NUP210L: variants seen among roughly 807,000 people sequenced by gnomAD.
NUP210L encodes nucleoporin 210 like.
A neutral mutation model predicts 208.5 loss-of-function variants in NUP210L; 74 were observed. The ratio of observed to expected loss-of-function variants is 0.35; its 90% CI spans 0.29 to 0.43. NUP210L has a LOEUF of 0.43. NUP210L is among the 20% of genes least tolerant of loss of function. The probability of loss-of-function intolerance (pLI) is 1.00; values close to 1 mark genes in which losing one functional copy is unlikely to be tolerated. For missense variants in NUP210L, 1,843 were observed against 2,289.4 expected (o/e 0.81, Z 3.98); for synonymous variants, 780 against 816.9 (o/e 0.95, Z 0.77).
At chr1:154,049,591 T>G (rs916369570) in intron 25 of NUP210L, among the ~76,000 whole-genome samples, 3 of 152,198 alleles carry the variant, frequency 2.0e-5, no homozygotes, top group African/African-American at 7.2e-5. Context: ...ACTTAGTTAC[T>G]GAACAATTAG....
intron 33 of NUP210L, among the ~76,000 whole-genome samples, chr1:154,018,029 TG>T (rs927346939): frequency 6.6e-6 from 1 of 152,044 alleles, no homozygotes; most frequent in South Asian, 2.1e-4. Flanking sequence ...TGGAGTACAG[TG>T]GCTTGATGTC....
At chr1:154,022,209 A>G in exon 32 of NUP210L, 1 of 1,614,178 alleles carries the variant, frequency 6.2e-7, no homozygotes, top group Non-Finnish European at 8.5e-7. Flanking sequence ...GGCATGCTCT[A>G]CAGCAACAGG....
rs1195269913 is a variant in NUP210L, at chr1:154,022,115, T to C, written c.4516+11A>G. The stretch of plus-strand genomic sequence containing the variant: ...TCAATTGTAAGTTTGAGAAAGGGAA[T>C]GTATACATACCATGCTGGCTGACAA... On this transcript the variant is annotated intron_variant, in intron 32 of 39. Transcript: ENST00000368559. 1 of 1,594,246 alleles carries C rather than the reference T, an allele frequency of 6.3e-7. No homozygotes were observed. Among genetic ancestry groups the C allele is most frequent in the Non-Finnish European group, 8.6e-7 (1 of 1,161,918 alleles).
At chr1:154,092,832 C>T (rs1348177858) in intron 15 of NUP210L, among the ~76,000 whole-genome samples, 1 of 152,114 alleles carries the variant, frequency 6.6e-6, no homozygotes, top group African/African-American at 2.4e-5. Flanking sequence ...TCAAGTGATC[C>T]TCCTGCCTCA....
intron 20 of NUP210L, among the ~76,000 whole-genome samples, chr1:154,059,942 C>A (rs758829435): frequency 6.6e-6 from 1 of 152,118 alleles, no homozygotes; most frequent in Non-Finnish European, 1.5e-5. Context: ...CTGAAAACAT[C>A]ATATATTCAT....
Position 154,138,352 on chromosome 1 carries a change from A to G in NUP210L, c.718-114T>C, listed in dbSNP as rs1460937438. 337 of 942,204 alleles carry G rather than the reference A, an allele frequency of 3.6e-4. 1 individual carries two copies. Among genetic ancestry groups the G allele is most frequent in the Non-Finnish European group, 4.0e-5 (27 of 671,006 alleles). 58.4% of individuals were successfully genotyped at this position (942,204 alleles called of 1,614,324 possible). A position where few individuals can be genotyped will look rare whatever the true frequency, so the allele number is the denominator to read the frequency against. ...AAACTTCTTTTAAAATTTTTTATAA[A>G]GATTTTTTTAAAAGCTTTCCTAATC... On this transcript the variant is annotated intron_variant, in intron 5 of 39. Coordinates refer to ENST00000368559, the Ensembl canonical transcript of NUP210L.
chr1:154,133,298 G>T (rs1250594683), intron 7 of NUP210L, among the ~76,000 whole-genome samples: 1 of 152,126 alleles, frequency 6.6e-6, no homozygotes, highest in Non-Finnish European at 1.5e-5. Context: ...GATCACACCT[G>T]TAATCCAAGC....
intron 37 of NUP210L, among the ~76,000 whole-genome samples, chr1:153,997,467 G>GT (rs1328725231): frequency 0.25 from 31,773 of 126,318 alleles, 4,369 homozygotes; most frequent in South Asian, 0.35. Flanking sequence ...TTTCTTTTCT[G>GT]TTTTTTTTTT....
chr1:154,065,721 G>T (rs143285402), intron 17 of NUP210L, among the ~76,000 whole-genome samples: 1 of 151,484 alleles, frequency 6.6e-6, no homozygotes, highest in Admixed American at 6.6e-5. Flanking sequence ...GGTGAAACTC[G>T]GTCTCTACTA....
intron 30 of NUP210L, among the ~76,000 whole-genome samples, chr1:154,024,905 T>TAA (rs1044603326): frequency 5.5e-5 from 8 of 145,958 alleles, no homozygotes; most frequent in Admixed American, 2.1e-4. Context: ...GACAATCATA[T>TAA]AAATTTAGGC....
chr1:154,125,081 G>A (rs1657819898), intron 10 of NUP210L, among the ~76,000 whole-genome samples: 1 of 152,114 alleles, frequency 6.6e-6, no homozygotes, highest in African/African-American at 2.4e-5. Context: ...GACATGGGAG[G>A]ATCACTTGAG....
intron 16 of NUP210L, among the ~76,000 whole-genome samples, chr1:154,073,621 C>T (rs1049537993): frequency 2.0e-5 from 3 of 152,020 alleles, no homozygotes; most frequent in African/African-American, 7.2e-5. Context: ...TCGAGACCAG[C>T]CTGGCTAACA....
intron 17 of NUP210L, among the ~76,000 whole-genome samples, chr1:154,069,392 T>G (rs1312700632): frequency 1.3e-5 from 2 of 152,136 alleles, no homozygotes; most frequent in Admixed American, 1.3e-4. Context: ...GCAAAGGATA[T>G]GGACAGACAC....
intron 12 of NUP210L, among the ~76,000 whole-genome samples, chr1:154,111,442 T>A (rs973878537): frequency 6.6e-6 from 1 of 150,550 alleles, no homozygotes; most frequent in Non-Finnish European, 1.5e-5. Flanking sequence ...AAATCTGAGA[T>A]GAAAAAGAAG....
chr1:154,121,540 C>T (rs1204420794), intron 10 of NUP210L, among the ~76,000 whole-genome samples: 1 of 152,092 alleles, frequency 6.6e-6, no homozygotes, highest in African/African-American at 2.4e-5. Context: ...AAAGATATAA[C>T]CCAATGATCC....
At chr1:154,001,201 T>G (rs1468468217) in intron 36 of NUP210L, 141 bp from the exon 37 acceptor site, 4 of 752,692 alleles carry the variant, frequency 5.3e-6, no homozygotes. Context: ...AATCATTTAC[T>G]TTTTTGTTGT....
chr1:154,122,513 G>A (rs543313320), intron 10 of NUP210L, among the ~76,000 whole-genome samples: 10 of 152,130 alleles, frequency 6.6e-5, no homozygotes, highest in Non-Finnish European at 1.2e-4. Context: ...AAAATTAGCC[G>A]GGCATGGTGG....
At chr1:154,151,703 T>C (rs1571334945) in intron 2 of NUP210L, among the ~76,000 whole-genome samples, 1 of 152,264 alleles carries the variant, frequency 6.6e-6, no homozygotes, top group East Asian at 1.9e-4. Context: ...GGAGTCTCAC[T>C]GTGTTGCGCA....
chr1:154,140,063 A>G, intron 4 of NUP210L, 111 bp from the exon 5 acceptor site: 1 of 859,698 alleles, frequency 1.2e-6, no homozygotes, highest in East Asian at 2.5e-5. Flanking sequence ...AATGTAAAAC[A>G]CTTTTGACTG....
Sources: gnomAD v4.1 joint callset for allele counts (sites outside exome capture counted in the v4.1 genomes callset) on GRCh38, gnomAD v4.1.1 for gene constraint, MANE v1.5 for transcripts, NCBI Gene and HGNC (gene_info 2026-07-23, HGNC 2026-07-21) for gene names.